Variants in NTN4 observed in about 807,000 individuals in gnomAD.
The protein encoded by NTN4 is netrin 4, also known as netrin-4.
A neutral mutation model predicts 73.6 loss-of-function variants in NTN4; 32 were observed. That is an observed-to-expected ratio of 0.44 (90% CI 0.33 to 0.58). NTN4 has a LOEUF of 0.58. NTN4 is among the 20% of genes least tolerant of loss of function. NTN4 has a pLI of 0.04. For synonymous variants in NTN4, 258 were observed against 287.5 expected, an observed-to-expected ratio of 0.90 and a Z score of 1.04; for missense variants, 654 against 798.3, an observed-to-expected ratio of 0.82 and a Z score of 2.18.
At chr12:95,726,630 G>A (rs958086403) in intron 3 of NTN4, among the ~76,000 whole-genome samples, 2 of 152,102 alleles carry the variant, frequency 1.3e-5, no homozygotes, top group African/African-American at 4.8e-5. Context: ...TATATACTGA[G>A]GGGTAGAATT....
At chr12:95,769,224 TAA>T (rs1356551726) in intron 2 of NTN4, among the ~76,000 whole-genome samples, 1 of 151,988 alleles carries the variant, frequency 6.6e-6, no homozygotes, top group Non-Finnish European at 1.5e-5. Flanking sequence ...AGCAAGAAGG[TAA>T]ACAGTGAGAT....
intron 7 of NTN4, among the ~76,000 whole-genome samples, chr12:95,677,133 G>A (rs995932553): frequency 6.6e-6 from 1 of 152,062 alleles, no homozygotes; most frequent in Non-Finnish European, 1.5e-5. Context: ...CTACTTGGGA[G>A]GCTGAGAATT....
intron 2 of NTN4, among the ~76,000 whole-genome samples, chr12:95,786,485 C>G (rs576229148): frequency 6.6e-6 from 1 of 152,284 alleles, no homozygotes; most frequent in South Asian, 2.1e-4. Context: ...TACTGTCATA[C>G]AAAAGTATCC....
chr12:95,694,493 G>A (rs756428359), intron 5 of NTN4, among the ~76,000 whole-genome samples: 1 of 152,184 alleles, frequency 6.6e-6, no homozygotes, highest in Non-Finnish European at 1.5e-5. Context: ...GGGGACTTAA[G>A]GGAGATGATT....
rs1378794396 is a variant in NTN4 at position 95,658,601 on chromosome 12, TG to T, written c.*484del. 1 of 152,900 alleles carries T rather than the reference TG, an allele frequency of 6.5e-6. No homozygotes were observed. The highest frequency in any genetic ancestry group is 1.9e-4 in the East Asian group (1 of 5,204). The allele number at this position is 152,900 out of a possible 1,614,324, so 9.5% of individuals were successfully genotyped here. On this transcript the variant is annotated 3_prime_UTR_variant, in exon 10 of 10. Transcript: ENST00000343702. Reference sequence around the variant, plus strand: ...TATACAAGGAAATACTATATACACATGGAGAGGTTCCATTTAACACCTACAG... The same window carrying T: ...TATACAAGGAAATACTATATACACATGAGAGGTTCCATTTAACACCTACAG...
At chr12:95,662,742 AT>A (rs1239405526) in intron 9 of NTN4, among the ~76,000 whole-genome samples, 2 of 152,364 alleles carry the variant, frequency 1.3e-5, no homozygotes, top group Admixed American at 1.3e-4. Context: ...CTAGTTAAAA[AT>A]ATAATAGCCT....
At chr12:95,751,053 AC>A (rs763229273) in intron 2 of NTN4, among the ~76,000 whole-genome samples, 2 of 152,206 alleles carry the variant, frequency 1.3e-5, no homozygotes, top group Non-Finnish European at 2.9e-5. Context: ...TTTGGCAGCA[AC>A]CCTGAGACGC....
At chr12:95,779,920 C>A (rs1274626798) in intron 2 of NTN4, among the ~76,000 whole-genome samples, 1 of 152,222 alleles carries the variant, frequency 6.6e-6, no homozygotes, top group Non-Finnish European at 1.5e-5. Context: ...TACAAGTAAC[C>A]AAAACAGCAT....
chr12:95,775,753 G>A (rs1195799814), intron 2 of NTN4, among the ~76,000 whole-genome samples: 1 of 152,246 alleles, frequency 6.6e-6, no homozygotes, highest in Non-Finnish European at 1.5e-5. Flanking sequence ...CCACCTCTGG[G>A]GGCAGGGCAT....
At chr12:95,766,087 C>T (rs11108244) in intron 2 of NTN4, among the ~76,000 whole-genome samples, 84,794 of 151,648 alleles carry the variant, frequency 0.56, 23,934 homozygotes, top group East Asian at 0.68. Flanking sequence ...CTCAGGGACT[C>T]CTCGCCTTTT....
intron 5 of NTN4, among the ~76,000 whole-genome samples, chr12:95,695,967 CTTTT>C (rs1441306215): frequency 1.4e-5 from 2 of 140,906 alleles, no homozygotes; most frequent in African/African-American, 2.6e-5. Flanking sequence ...CTCCCTCTTT[CTTTT>C]TCTTTCCTTT....
At chr12:95,748,634 C>T (rs1474671293) in intron 2 of NTN4, among the ~76,000 whole-genome samples, 1 of 152,098 alleles carries the variant, frequency 6.6e-6, no homozygotes, top group Non-Finnish European at 1.5e-5. Context: ...CCATGCCCAG[C>T]TAAGTTTTGT....
At chr12:95,719,822 A>G (rs1325635683) in intron 3 of NTN4, among the ~76,000 whole-genome samples, 2 of 152,202 alleles carry the variant, frequency 1.3e-5, no homozygotes, top group East Asian at 3.9e-4. Flanking sequence ...CCTGAAACCT[A>G]CTGTCAGAAT....
chr12:95,748,478 T>TTC (rs1491050415), intron 2 of NTN4, among the ~76,000 whole-genome samples: 6 of 8,726 alleles, frequency 6.9e-4, no homozygotes, highest in African/African-American at 1.3e-3. Flanking sequence ...TTTCTTTTCT[T>TTC]TTTTTTTTTT....
chr12:95,776,476 G>A (rs2079093396), intron 2 of NTN4, among the ~76,000 whole-genome samples: 1 of 152,208 alleles, frequency 6.6e-6, no homozygotes, highest in African/African-American at 2.4e-5. Context: ...ATGACCTGAT[G>A]GAGCTGAAAA....
At chr12:95,742,479 C>G (rs2078833854) in intron 2 of NTN4, among the ~76,000 whole-genome samples, 1 of 152,054 alleles carries the variant, frequency 6.6e-6, no homozygotes, top group Non-Finnish European at 1.5e-5. Flanking sequence ...ACATAATAGT[C>G]AAGGAATTCT....
chr12:95,668,643 A>C (rs1207543591), intron 8 of NTN4, among the ~76,000 whole-genome samples: 1 of 152,214 alleles, frequency 6.6e-6, no homozygotes, highest in Non-Finnish European at 1.5e-5. Flanking sequence ...TGATGACTTA[A>C]AATTTTCTCC....
chr12:95,781,310 T>A lies in NTN4; in HGVS notation c.585+5629A>T, dbSNP rs1260137494. Among the ~76,000 whole-genome samples, 1 of 151,838 alleles carries A rather than the reference T, an allele frequency of 6.6e-6. No homozygotes were observed. The highest frequency in any genetic ancestry group is 2.4e-5 in the African/African-American group (1 of 41,326). ...TAGAACTTAAAGTATAATAAAAAAA[T>A]TTAAAAAACCATACCATTACCATAA... On this transcript the variant is annotated intron_variant, in intron 2 of 9. Transcript: ENST00000343702. The surrounding 1 kb of genome is among the most constrained non-coding windows in gnomAD (Gnocchi z 4.1).
At chr12:95,783,297 A>G (rs1210114937) in intron 2 of NTN4, among the ~76,000 whole-genome samples, 1 of 152,240 alleles carries the variant, frequency 6.6e-6, no homozygotes, top group African/African-American at 2.4e-5. Flanking sequence ...GGAATGTCAC[A>G]TCCTAAATCT....
Sources: allele counts gnomAD v4.1 joint callset (sites outside exome capture counted in the v4.1 genomes callset), GRCh38; gene constraint gnomAD v4.1.1; non-coding constraint Gnocchi (gnomAD v3.1); transcripts MANE v1.5; gene names NCBI Gene and HGNC (gene_info 2026-07-23, HGNC 2026-07-21).